Variants in DOCK1 observed in about 807,000 individuals in gnomAD.
The protein encoded by DOCK1 is dedicator of cytokinesis protein 1.
DOCK1 carries 138 observed loss-of-function variants against 262.7 expected under a neutral mutation model. That is an observed-to-expected ratio of 0.53 (90% CI 0.46 to 0.61). DOCK1 has a LOEUF of 0.61. Ranked by LOEUF, DOCK1 falls within the 20% of genes least tolerant of loss-of-function variation. The pLI is 0.00. For missense variants in DOCK1, 1,908 were observed against 2,370.7 expected (o/e 0.80, Z 4.05); for synonymous variants, 866 against 867.4 (o/e 1.00, Z 0.03).
intron 23 of DOCK1, among the ~76,000 whole-genome samples, chr10:127,084,144 A>G (rs982206519): frequency 1.3e-5 from 2 of 152,164 alleles, no homozygotes; most frequent in African/African-American, 2.4e-5. Context: ...GCAGGTGTCT[A>G]ATGATTCATA....
At position 127,333,474 on chromosome 10, in the gene DOCK1, A is replaced by G. The variant is rs117936366; in HGVS notation, c.3045-5532A>G. Among the ~76,000 whole-genome samples, 1,454 of 152,304 alleles carry G rather than the reference A, an allele frequency of 9.5e-3. 16 individuals carry two copies. The highest frequency in any genetic ancestry group is 0.016 in the Non-Finnish European group (1,103 of 68,026). Reference sequence around the variant, plus strand: ...CCTGGAATAGTTAAATTGGTTCCTGATTACTTTTCACTCGCTAAGTTCCCC... The same window carrying G: ...CCTGGAATAGTTAAATTGGTTCCTGGTTACTTTTCACTCGCTAAGTTCCCC... On this transcript the variant is annotated intron_variant, in intron 29 of 51. Coordinates refer to ENST00000623213, the MANE Select transcript of DOCK1 (RefSeq NM_001290223.2).
chr10:126,943,881 G>A (rs892350985), intron 1 of DOCK1, among the ~76,000 whole-genome samples: 2 of 152,276 alleles, frequency 1.3e-5, no homozygotes, highest in African/African-American at 2.4e-5. Flanking sequence ...GAGTCGAGGC[G>A]AGGCTGGGTG....
At chr10:127,310,572 CAG>C (rs1309312669) in intron 29 of DOCK1, among the ~76,000 whole-genome samples, 3 of 152,158 alleles carry the variant, frequency 2.0e-5, no homozygotes, top group African/African-American at 7.2e-5. Flanking sequence ...TAATTTGTAA[CAG>C]AAGCAGAGTA....
At chr10:126,963,640 C>CTCCTTCCT (rs1229446126) in intron 1 of DOCK1, among the ~76,000 whole-genome samples, 13 of 65,134 alleles carry the variant, frequency 2.0e-4, no homozygotes, top group African/African-American at 6.6e-4. Flanking sequence ...CTTCCCTTCC[C>CTCCTTCCT]TCCTTCCTTC....
intron 38 of DOCK1, among the ~76,000 whole-genome samples, chr10:127,386,458 A>G (rs1307440637): frequency 1.3e-5 from 2 of 151,726 alleles, no homozygotes; most frequent in African/African-American, 4.8e-5. Flanking sequence ...CCGCATTACC[A>G]CCTGAGCTCC....
intron 27 of DOCK1, among the ~76,000 whole-genome samples, chr10:127,186,506 CGCCCCCCCG>C (rs1342083339): frequency 0.13 from 2,452 of 19,148 alleles, 784 homozygotes; most frequent in East Asian, 0.55. Context: ...TGGGAGAAAC[CGCCCCCCCG>C]CCCCCCCCCG....
rs542068038 is a variant in DOCK1 at position 127,224,451 on chromosome 10, A to G, written c.2848-23557A>G. On this transcript the variant is annotated intron_variant, in intron 27 of 51. Coordinates refer to ENST00000623213, the MANE Select transcript of DOCK1 (RefSeq NM_001290223.2). ...GTGGTACACACCTGTAATCCCAGCT[A>G]CTTGGGAGGCTGAGGGAGGAAAATC... 4.0e-3 allele frequency among the ~76,000 whole-genome samples: 601 copies of G among 152,122 alleles called. 8 individuals carry two copies. The highest frequency in any genetic ancestry group is 0.014 in the African/African-American group (564 of 41,510).
intron 23 of DOCK1, among the ~76,000 whole-genome samples, chr10:127,063,255 G>C (rs1336919632): frequency 6.6e-6 from 1 of 152,180 alleles, no homozygotes; most frequent in Non-Finnish European, 1.5e-5. Context: ...CTTATGGCTA[G>C]TGTCTTAAAA....
chr10:127,034,905 G>C (rs1165328435), intron 18 of DOCK1, among the ~76,000 whole-genome samples: 1 of 152,178 alleles, frequency 6.6e-6, no homozygotes, highest in African/African-American at 2.4e-5. Context: ...GGGGGGTGGG[G>C]TCAGTGGCAA....
In DOCK1 at chr10:127,120,373, G is replaced by C. The variant is rs180818338; in HGVS notation, c.2624-5101G>C. 3.3e-5 allele frequency among the ~76,000 whole-genome samples: 5 copies of C among 152,310 alleles called. No homozygotes were observed. In the East Asian group the frequency reaches 9.6e-4, roughly 29 times the overall value. On this transcript the variant is annotated intron_variant, in intron 25 of 51. Transcript: ENST00000623213. The stretch of plus-strand genomic sequence containing the variant: ...GCTGTCCAGCAGAAATAGAATGTGA[G>C]CCGTGTATGTAATTAAAAATATTCT...
In DOCK1 at chr10:126,905,583, C is replaced by A. The variant is rs1281094283; in HGVS notation, c.46+20C>A. The A allele has an allele frequency of 2.7e-6, 1 of 373,252 alleles. No individual in the cohort carries two copies. Among genetic ancestry groups the A allele is most frequent in the Non-Finnish European group, 4.8e-6 (1 of 207,116 alleles). 23.1% of individuals were successfully genotyped at this position (373,252 alleles called of 1,614,324 possible). ...GCGTGGGTGAGCAGCGCCGCCGCCGCCGCGCCTCTCGCCCCAAGCCCAGGC... is the reference window on the plus strand; with the variant it reads ...GCGTGGGTGAGCAGCGCCGCCGCCGACGCGCCTCTCGCCCCAAGCCCAGGC... On this transcript the variant is annotated intron_variant, in intron 1 of 51. Coordinates refer to ENST00000623213, the MANE Select transcript of DOCK1 (RefSeq NM_001290223.2).
At chr10:127,134,371 ATAAC>A (rs1345808399) in intron 27 of DOCK1, among the ~76,000 whole-genome samples, 12 of 152,196 alleles carry the variant, frequency 7.9e-5, no homozygotes, top group Non-Finnish European at 8.8e-5. Flanking sequence ...GTGGCTGTAG[ATAAC>A]TAACTGCCTC....
chr10:127,140,638 A>AAGTCTCTGGGTTGAGTTTGACACACGG, intron 27 of DOCK1, among the ~76,000 whole-genome samples: 1 of 147,056 alleles, frequency 6.8e-6, no homozygotes, highest in Non-Finnish European at 1.5e-5. Context: ...TTGACACACC[A>AAGTCTCTGGGTTGAGTTTGACACACGG]AGTCTCTGGG....
At chr10:127,427,248 C>T (rs1038839031) in intron 47 of DOCK1, among the ~76,000 whole-genome samples, 7 of 152,154 alleles carry the variant, frequency 4.6e-5, no homozygotes, top group African/African-American at 7.2e-5. Flanking sequence ...TGGGAAGTCG[C>T]GCTGCTTCTC....
At chr10:127,196,419 C>T (rs1473433676) in intron 27 of DOCK1, among the ~76,000 whole-genome samples, 12 of 148,704 alleles carry the variant, frequency 8.1e-5, no homozygotes. Flanking sequence ...GGCGAGATCT[C>T]AGAGCCAGGG....
At chr10:127,034,042 A>C (rs1010105306) in intron 18 of DOCK1, among the ~76,000 whole-genome samples, 1 of 152,062 alleles carries the variant, frequency 6.6e-6, no homozygotes. Flanking sequence ...GAAAAGCCTT[A>C]CCTGGGTGTG....
At chr10:127,367,921 C>T (rs2065012462) in intron 33 of DOCK1, among the ~76,000 whole-genome samples, 1 of 152,202 alleles carries the variant, frequency 6.6e-6, no homozygotes, top group Non-Finnish European at 1.5e-5. Context: ...ATGTGGGAAG[C>T]CCCAGTGGAT....
At chr10:127,024,529 G>T (rs566714812) in intron 14 of DOCK1, among the ~76,000 whole-genome samples, 156 bp from the exon 15 acceptor site, 1 of 152,292 alleles carries the variant, frequency 6.6e-6, no homozygotes, top group African/African-American at 2.4e-5. Flanking sequence ...GGCTTCAGGT[G>T]GATCTGTGCT....
At chr10:126,986,592 C>T (rs10443995) in intron 4 of DOCK1, among the ~76,000 whole-genome samples, 8,801 of 152,178 alleles carry the variant, frequency 0.058, 290 homozygotes, top group Non-Finnish European at 0.068. Flanking sequence ...TGAAAACGAG[C>T]GCATAAATAG....
Sources: allele counts gnomAD v4.1 joint callset (sites outside exome capture counted in the v4.1 genomes callset), GRCh38; gene constraint gnomAD v4.1.1; transcripts MANE v1.5; gene names NCBI Gene and HGNC (gene_info 2026-07-23, HGNC 2026-07-21).